SLC8A3: variants seen among roughly 807,000 people sequenced by gnomAD.
SLC8A3 encodes solute carrier family 8 member A3.
SLC8A3 carries 37 observed loss-of-function variants against 65.4 expected under a neutral mutation model. That is an observed-to-expected ratio of 0.57 (90% confidence interval 0.44 to 0.74). SLC8A3 has a LOEUF of 0.74. Among genes scored for constraint, SLC8A3 ranks in the 30% least tolerant of loss-of-function variants. The pLI, the probability that SLC8A3 is intolerant of heterozygous loss-of-function variation, is 0.00. For synonymous variants in SLC8A3, 461 were observed against 444.5 expected (o/e 1.04, Z -0.47); for missense variants, 1,112 against 1,172.1 (o/e 0.95, Z 0.75).
At chr14:70,051,223 G>A (rs749404669) in intron 4 of SLC8A3, 116 bp from the exon 5 acceptor site, 12 of 689,948 alleles carry the variant, frequency 1.7e-5, no homozygotes, top group Non-Finnish European at 2.4e-5. Context: ...TGACAGTTAC[G>A]CATGGAATGG....
chr14:70,054,514 G>T (rs549944520), intron 3 of SLC8A3, among the ~76,000 whole-genome samples: 3 of 151,686 alleles, frequency 2.0e-5, no homozygotes, highest in East Asian at 1.9e-4. Flanking sequence ...TTTATGTGAG[G>T]GGGGGCGGGT....
Position 70,052,077 on chromosome 14 carries a change from C to G in SLC8A3, c.1926G>C (p.Glu642Asp). The G allele has an allele frequency of 6.2e-7, 1 of 1,607,712 alleles. No individual in the cohort carries two copies. ...TTCCCATCTCTGCTATCCTCTTGGC[C>G]TCCTCTTCTTCCATAGTCAGCTTCC... ...TDRKLTMEEE[E>D]AKRIAEMGKP... is the part of the protein sequence containing the mutation. Residue 642 changes from glutamate to aspartate, a missense_variant, in exon 4 of 7, where the codon GAG becomes GAC. Glu to Asp is a conservative substitution (Grantham distance 45). Coordinates refer to ENST00000356921, the MANE Select transcript of SLC8A3 (RefSeq NM_182932.3).
intron 2 of SLC8A3, among the ~76,000 whole-genome samples, chr14:70,146,887 T>C (rs1187825440): frequency 6.6e-6 from 1 of 152,218 alleles, no homozygotes; most frequent in Non-Finnish European, 1.5e-5. Flanking sequence ...GCAGGAGTTA[T>C]AATGCTGTTG....
chr14:70,127,761 C>T (rs1894565824), intron 2 of SLC8A3, among the ~76,000 whole-genome samples: 1 of 152,156 alleles, frequency 6.6e-6, no homozygotes, highest in Non-Finnish European at 1.5e-5. Flanking sequence ...GTAGTGTTAT[C>T]ATGACACTCA....
intron 2 of SLC8A3, among the ~76,000 whole-genome samples, chr14:70,137,338 G>C (rs909107381): frequency 2.0e-5 from 3 of 151,666 alleles, no homozygotes; most frequent in African/African-American, 7.3e-5. Context: ...TTTTTAGTAG[G>C]GACAGGGTTT....
chr14:70,127,426 C>A (rs936143659), intron 2 of SLC8A3, among the ~76,000 whole-genome samples: 5 of 152,046 alleles, frequency 3.3e-5, no homozygotes, highest in African/African-American at 1.2e-4. Flanking sequence ...TTTTGTAGAC[C>A]CGTGTTCTTT....
intron 2 of SLC8A3, among the ~76,000 whole-genome samples, chr14:70,142,849 G>T (rs1346465717): frequency 6.6e-6 from 1 of 152,106 alleles, no homozygotes; most frequent in East Asian, 1.9e-4. Context: ...AGATTCTTCT[G>T]GTCCCTTAAA....
At chr14:70,057,106 G>T (rs553017092) in intron 3 of SLC8A3, among the ~76,000 whole-genome samples, 239 of 152,244 alleles carry the variant, frequency 1.6e-3, no homozygotes, top group African/African-American at 5.5e-3. Flanking sequence ...CTGTAGGAAT[G>T]CAACTCAGGC....
rs1566825998 is a variant in SLC8A3, at chr14:70,167,145, T to C, written c.1278A>G (p.Ser426=). 1.9e-6 allele frequency: 3 copies of C among 1,614,154 alleles called. No homozygotes were observed. Among genetic ancestry groups the C allele is most frequent in the South Asian group, 1.1e-5 (1 of 91,080 alleles). Residue 426 remains serine, a synonymous_variant, in exon 2 of 7, where the codon TCA becomes TCG. Transcript: ENST00000356921. ...TTTTGTAGTCCACATACATGGTCTT[T>C]GACATGTCTCCCCCTTTCCTCACCA... ...LTVVRKGGDM[S]KTMYVDYKTE...
chr14:70,147,034 C>CA (rs1280741302), intron 2 of SLC8A3, among the ~76,000 whole-genome samples: 1 of 152,134 alleles, frequency 6.6e-6, no homozygotes, highest in Non-Finnish European at 1.5e-5. Context: ...CCTCCAGGAG[C>CA]AACGCTTTAG....
chr14:70,046,423 A>G lies in SLC8A3; in HGVS notation c.2390-100T>C. The G allele has an allele frequency of 7.9e-7, 1 of 1,269,610 alleles. No individual in the cohort carries two copies. Among genetic ancestry groups the G allele is most frequent in the African/African-American group, 1.5e-5 (1 of 67,266 alleles). The allele number at this position is 1,269,610 out of a possible 1,614,324, so 78.6% of individuals were successfully genotyped here. A position where few individuals can be genotyped will look rare whatever the true frequency, so the allele number is the denominator to read the frequency against. ...AAAGCAGCTTGAGCTGGTGGGCTGA[A>G]CCCAGGAATGAGAGACAAGGGCTAG... is the stretch of plus-strand genomic sequence containing the variant. On this transcript the variant is annotated intron_variant, in intron 6 of 6. Coordinates refer to ENST00000356921, the MANE Select transcript of SLC8A3 (RefSeq NM_182932.3). The surrounding 1 kb of genome is among the most constrained non-coding windows in gnomAD (Gnocchi z 4.2).
Position 70,167,111 on chromosome 14 carries a change from C to G in SLC8A3, c.1312G>C (p.Gly438Arg). The change falls in exon 2 of 7, where the codon GGT (glycine) becomes CGT (arginine). Residue 438 changes from glycine to arginine, a missense_variant. By Grantham distance (125) the Gly-to-Arg change is moderately radical. Coordinates refer to ENST00000356921, the MANE Select transcript of SLC8A3 (RefSeq NM_182932.3). The part of the protein sequence containing the change: ...TMYVDYKTED[G>R]SANAGADYEF... Reference sequence around the variant, plus strand: ...TAGTCAGCCCCTGCATTGGCAGAACCATCCTCTGTTTTGTAGTCCACATAC... The same window carrying G: ...TAGTCAGCCCCTGCATTGGCAGAACGATCCTCTGTTTTGTAGTCCACATAC... 6.2e-7 allele frequency: 1 copy of G among 1,614,200 alleles called. No homozygotes were observed. The highest frequency in any genetic ancestry group is 8.5e-7 in the Non-Finnish European group (1 of 1,180,034).
At chr14:70,084,423 T>A (rs1263482000) in intron 2 of SLC8A3, among the ~76,000 whole-genome samples, 1 of 152,230 alleles carries the variant, frequency 6.6e-6, no homozygotes, top group Non-Finnish European at 1.5e-5. Context: ...GGTGGTTATC[T>A]TATCTTTTCA....
chr14:70,122,195 C>T (rs1894115005), intron 2 of SLC8A3, among the ~76,000 whole-genome samples: 1 of 152,220 alleles, frequency 6.6e-6, no homozygotes, highest in South Asian at 2.1e-4. Context: ...GGCATCTTTT[C>T]TGTGTGACCT....
intron 2 of SLC8A3, among the ~76,000 whole-genome samples, chr14:70,144,323 TTTTTTTTTA>T: frequency 7.0e-6 from 1 of 143,200 alleles, no homozygotes; most frequent in Non-Finnish European, 1.5e-5. Flanking sequence ...TTTTTTTTTT[TTTTTTTTTA>T]AAAAAAAAAA....
chr14:70,118,527 T>A (rs956885072), intron 2 of SLC8A3, among the ~76,000 whole-genome samples: 1 of 152,224 alleles, frequency 6.6e-6, no homozygotes, highest in Admixed American at 6.5e-5. Context: ...TCTCCCTTGT[T>A]TCTGTGGGGT....
chr14:70,049,631 T>TA (rs113733392), intron 5 of SLC8A3, among the ~76,000 whole-genome samples: 22,370 of 148,176 alleles, frequency 0.15, 1,793 homozygotes, highest in African/African-American at 0.21. Flanking sequence ...AATGTATAAT[T>TA]AAAAAAAAAA....
intron 1 of SLC8A3, among the ~76,000 whole-genome samples, chr14:70,176,666 C>T (rs1002499355): frequency 6.6e-6 from 1 of 152,240 alleles, no homozygotes; most frequent in Non-Finnish European, 1.5e-5. Context: ...ACAAACATCT[C>T]ACCTTCTTGA....
chr14:70,167,116 T>A lies in SLC8A3; in HGVS notation c.1307A>T (p.Glu436Val), dbSNP rs1344547285. The change falls in exon 2 of 7, where the codon GAG becomes GTG. Residue 436 changes from glutamate (E) to valine (V), a missense_variant. Physicochemically the swap from Glu to Val is moderately radical, Grantham distance 121. Coordinates refer to ENST00000356921, the MANE Select transcript of SLC8A3 (RefSeq NM_182932.3). ...AGCCCCTGCATTGGCAGAACCATCC[T>A]CTGTTTTGTAGTCCACATACATGGT... is the stretch of plus-strand genomic sequence containing the variant. ...SKTMYVDYKT[E>V]DGSANAGADY... 2.5e-6 allele frequency: 4 copies of A among 1,614,182 alleles called. No homozygotes were observed. The Admixed American group carries it at 5.0e-5, about 20-fold the overall frequency.
Sources: gnomAD v4.1 joint callset for allele counts (sites outside exome capture counted in the v4.1 genomes callset) on GRCh38, gnomAD v4.1.1 for gene constraint, Gnocchi (gnomAD v3.1) non-coding constraint, MANE v1.5 for transcripts, NCBI Gene and HGNC (gene_info 2026-07-23, HGNC 2026-07-21) for gene names.